TTC39B: variants seen among roughly 807,000 people sequenced by gnomAD.
TTC39B encodes tetratricopeptide repeat protein 39B.
TTC39B carries 92 observed loss-of-function variants against 96.6 expected under a neutral mutation model. That is an observed-to-expected ratio of 0.95 (90% confidence interval 0.80 to 1.13). The LOEUF (loss-of-function observed/expected upper bound fraction) is 1.13. TTC39B is among the 50% of genes most tolerant of loss of function. TTC39B has a pLI of 0.00. For missense variants in TTC39B, 955 were observed against 809.3 expected, an observed-to-expected ratio of 1.18 and a Z score of -2.18; for synonymous variants, 367 against 299.4, an observed-to-expected ratio of 1.23 and a Z score of -2.33.
chr9:15,192,555 CA>C, intron 9 of TTC39B, 34 bp downstream of exon 9: 2 of 1,549,486 alleles, frequency 1.3e-6, no homozygotes, highest in South Asian at 2.3e-5. Flanking sequence ...GGTTCTTCTA[CA>C]AAAGTTCTGG....
intron 1 of TTC39B, among the ~76,000 whole-genome samples, chr9:15,272,980 A>G (rs1040277985): frequency 2.0e-5 from 3 of 152,212 alleles, no homozygotes; most frequent in African/African-American, 7.2e-5. Context: ...AGAAACTGCC[A>G]TCCTGATCGT....
intron 2 of TTC39B, among the ~76,000 whole-genome samples, chr9:15,236,176 A>G (rs1037859615): frequency 6.6e-6 from 1 of 152,224 alleles, no homozygotes. Flanking sequence ...CTATTCTCAT[A>G]TCAAGTAAAA....
Position 15,196,295 on chromosome 9 carries a change from A to T in TTC39B, c.824+3566T>A, listed in dbSNP as rs1271364048. 1.3e-5 allele frequency among the ~76,000 whole-genome samples: 2 copies of T among 152,238 alleles called. 1 individual carries two copies. Among genetic ancestry groups the T allele is most frequent in the East Asian group, 3.8e-4 (2 of 5,202 alleles). The stretch of plus-strand genomic sequence containing the variant: ...TCAAGTCTTATTATTTAAGAAGTAC[A>T]TTTTATAAGGCTATTGCTGCCATAG... On this transcript the variant is annotated intron_variant, in intron 8 of 19. Coordinates refer to ENST00000512701, the Ensembl canonical transcript of TTC39B.
Position 15,306,875 on chromosome 9 carries a change from C to T in TTC39B, c.240+209G>A, listed in dbSNP as rs1335277280. Among the ~76,000 whole-genome samples, 2 of 152,084 alleles carry T rather than the reference C, an allele frequency of 1.3e-5. No homozygotes were observed. Among genetic ancestry groups the T allele is most frequent in the South Asian group, 4.1e-4 (2 of 4,828 alleles). ...GCCGGCGCTCCGAACCTCGGCACTG[C>T]GTCCGCTCCGCGCGCCGCAGGGACC... On this transcript the variant is annotated intron_variant, in intron 1 of 19. Coordinates refer to ENST00000512701, the Ensembl canonical transcript of TTC39B. This position sits in a 1 kb window ranked among gnomAD's most constrained non-coding sequence, Gnocchi z 5.1.
chr9:15,256,129 A>G (rs1216439874), intron 2 of TTC39B, among the ~76,000 whole-genome samples: 1 of 152,098 alleles, frequency 6.6e-6, no homozygotes, highest in Non-Finnish European at 1.5e-5. Context: ...TGTAAATGGG[A>G]TTAGTACCCT....
At chr9:15,172,281 C>T (rs531307781) in intron 19 of TTC39B, among the ~76,000 whole-genome samples, 172 bp from the exon 20 acceptor site, 1 of 152,018 alleles carries the variant, frequency 6.6e-6, no homozygotes, top group Non-Finnish European at 1.5e-5. Context: ...TTGGGGGGAA[C>T]TGCAATAATC....
intron 1 of TTC39B, among the ~76,000 whole-genome samples, chr9:15,303,249 A>G (rs776470670): frequency 5.3e-5 from 8 of 152,238 alleles, no homozygotes; most frequent in Non-Finnish European, 8.8e-5. Context: ...TAATGCATCA[A>G]ATTATATATA....
At chr9:15,300,308 C>A (rs951545891) in intron 1 of TTC39B, among the ~76,000 whole-genome samples, 1 of 152,154 alleles carries the variant, frequency 6.6e-6, no homozygotes, top group Non-Finnish European at 1.5e-5. Flanking sequence ...ACAAGGAACC[C>A]AGAATTATTA....
At chr9:15,191,085 C>T in intron 10 of TTC39B, 105 bp downstream of exon 10, 1 of 781,408 alleles carries the variant, frequency 1.3e-6, no homozygotes, top group Non-Finnish European at 2.1e-6. Flanking sequence ...AAACAAATTG[C>T]CAATAATTAT....
intron 8 of TTC39B, among the ~76,000 whole-genome samples, chr9:15,199,592 G>T (rs374498883): frequency 2.0e-5 from 3 of 151,344 alleles, no homozygotes; most frequent in Non-Finnish European, 2.9e-5. Context: ...AAAATTAGCC[G>T]GGCGTGGTGG....
intron 2 of TTC39B, among the ~76,000 whole-genome samples, chr9:15,242,584 A>AAAAG (rs370591198): frequency 1.8e-4 from 28 of 152,244 alleles, no homozygotes; most frequent in African/African-American, 5.3e-4. Flanking sequence ...CCCTATCTCA[A>AAAAG]AAAGAAAGAA....
intron 18 of TTC39B, 136 bp from the exon 19 acceptor site, chr9:15,175,271 A>C: frequency 1.6e-6 from 1 of 620,836 alleles, no homozygotes; most frequent in Non-Finnish European, 2.8e-6. Context: ...GCCATTGTAT[A>C]GTTATGGAAC....
chr9:15,271,606 T>A (rs775546934), intron 1 of TTC39B, among the ~76,000 whole-genome samples: 13 of 152,116 alleles, frequency 8.5e-5, no homozygotes, highest in Non-Finnish European at 1.6e-4. Flanking sequence ...GGGGTGGAGC[T>A]GTGGTAATGC....
intron 2 of TTC39B, among the ~76,000 whole-genome samples, chr9:15,244,129 A>C (rs1822169132): frequency 6.6e-6 from 1 of 152,244 alleles, no homozygotes; most frequent in Admixed American, 6.5e-5. Context: ...ACAACAATGG[A>C]ATGTTGGATT....
intron 16 of TTC39B, among the ~76,000 whole-genome samples, 196 bp from the exon 17 acceptor site, chr9:15,182,611 T>C (rs1284826150): frequency 6.6e-6 from 1 of 152,224 alleles, no homozygotes; most frequent in Non-Finnish European, 1.5e-5. Context: ...AAATTTAAAC[T>C]CATTCATATA....
rs1824767605 is a variant in TTC39B at position 15,306,805 on chromosome 9, C to T, written c.240+279G>A. Among the ~76,000 whole-genome samples, 1 of 152,186 alleles carries T rather than the reference C, an allele frequency of 6.6e-6. No homozygotes were observed. The highest frequency in any genetic ancestry group is 1.5e-5 in the Non-Finnish European group (1 of 68,026). On this transcript the variant is annotated intron_variant, in intron 1 of 19. Transcript: ENST00000512701. This position sits in a 1 kb window ranked among gnomAD's most constrained non-coding sequence, Gnocchi z 5.1. ...ATGGTCCCGCGCCCTCACGCCCATC[C>T]AAGTGCTGGCAGGACGTGGGTCCTC...
chr9:15,187,300 C>T (rs1818584392), intron 14 of TTC39B, among the ~76,000 whole-genome samples: 1 of 152,152 alleles, frequency 6.6e-6, no homozygotes, highest in Non-Finnish European at 1.5e-5. Flanking sequence ...TATCTCATTG[C>T]CCTCCAACTT....
At chr9:15,167,032 T>TTA (rs1817542949) in exon 20 of TTC39B, 1 of 21,504 alleles carries the variant, frequency 4.7e-5, no homozygotes, top group African/African-American at 1.5e-4. Flanking sequence ...ATATATATTT[T>TTA]TTTTTTTTTT....
chr9:15,286,384 A>C (rs569385526), intron 1 of TTC39B, among the ~76,000 whole-genome samples: 1 of 152,308 alleles, frequency 6.6e-6, no homozygotes, highest in Non-Finnish European at 1.5e-5. Flanking sequence ...TTCCTCATTT[A>C]AAGCTTCTCT....
Sources: gnomAD v4.1 joint callset for allele counts (sites outside exome capture counted in the v4.1 genomes callset) on GRCh38, gnomAD v4.1.1 for gene constraint, Gnocchi (gnomAD v3.1) non-coding constraint, MANE v1.5 for transcripts, NCBI Gene and HGNC (gene_info 2026-07-23, HGNC 2026-07-21) for gene names.